FUT8: variants seen among roughly 807,000 people sequenced by gnomAD.
The protein encoded by FUT8 is fucosyltransferase 8.
FUT8 carries 29 observed loss-of-function variants against 71.3 expected under a neutral mutation model. That is an observed-to-expected ratio of 0.41 (90% confidence interval 0.30 to 0.55). FUT8 has a LOEUF of 0.55. Among genes scored for constraint, FUT8 ranks in the 20% least tolerant of loss-of-function variants. FUT8 has a pLI of 0.34. For missense variants in FUT8, 544 were observed against 702.1 expected (o/e 0.77, Z 2.55); for synonymous variants, 254 against 239.3 (o/e 1.06, Z -0.57).
chr14:65,527,235 C>T (rs1178679437), intron 2 of FUT8, among the ~76,000 whole-genome samples: 1 of 152,180 alleles, frequency 6.6e-6, no homozygotes, highest in African/African-American at 2.4e-5. Context: ...CACATAGTCC[C>T]ATGTTTCTTG....
intron 1 of FUT8, among the ~76,000 whole-genome samples, chr14:65,421,747 C>CCGCCT (rs57713947): frequency 1.3e-5 from 1 of 79,212 alleles, no homozygotes; most frequent in Non-Finnish European, 2.4e-5. Context: ...CCACCCCCCC[C>CCGCCT]TTTTTTTTTT....
chr14:65,643,766 G>A lies in FUT8; in HGVS notation c.597+14160G>A, dbSNP rs1890981512. Reference sequence around the variant, plus strand: ...TTAACTCATTTAATCCTTGAGAGTAGCAACACCCAGTAGAGGTTTTATCCT... The same window carrying A: ...TTAACTCATTTAATCCTTGAGAGTAACAACACCCAGTAGAGGTTTTATCCT... On this transcript the variant is annotated intron_variant, in intron 6 of 10. Transcript: ENST00000673929. This position sits in a 1 kb window ranked among gnomAD's most constrained non-coding sequence, Gnocchi z 4.5. Among the ~76,000 whole-genome samples the A allele has an allele frequency of 6.7e-6, 1 of 148,934 alleles. No individual in the cohort carries two copies. Among genetic ancestry groups the A allele is most frequent in the African/African-American group, 2.5e-5 (1 of 40,082 alleles).
At chr14:65,384,337 C>T in the FUT8 span, among the ~76,000 whole-genome samples, 2 of 152,248 alleles carry the variant, frequency 1.3e-5, no homozygotes, top group South Asian at 2.1e-4. The surrounding 1 kb of genome is among the most constrained non-coding windows in gnomAD (Gnocchi z 4.2). Context: ...CAGCCTCCAT[C>T]TCCTGGGCTC....
rs796847736 is a variant in FUT8, at chr14:65,682,506, GA to G, written c.835+13037del. On this transcript the variant is annotated intron_variant, in intron 7 of 10. Coordinates refer to ENST00000673929, the MANE Select transcript of FUT8 (RefSeq NM_001371533.1). ...GGCAACAGAGCAAGACCATGTCTCA[GA>G]AAAAAAAAAAGGAACCCCAAGGGAT... Among the ~76,000 whole-genome samples, 997 of 140,424 alleles carry G rather than the reference GA, an allele frequency of 7.1e-3. 19 individuals carry two copies. The highest frequency in any genetic ancestry group is 0.024 in the African/African-American group (906 of 38,536). The allele number at this position is 140,424 out of a possible 152,430, so 92.1% of individuals were successfully genotyped here.
chr14:65,682,497 C>T (rs1470859308), intron 7 of FUT8, among the ~76,000 whole-genome samples: 1 of 151,012 alleles, frequency 6.6e-6, no homozygotes, highest in Non-Finnish European at 1.5e-5. Flanking sequence ...AGAGCAAGAC[C>T]ATGTCTCAGA....
chr14:65,441,293 G>A (rs187998959), intron 1 of FUT8, among the ~76,000 whole-genome samples: 1 of 152,146 alleles, frequency 6.6e-6, no homozygotes, highest in South Asian at 2.1e-4. Context: ...CAGTTTAATT[G>A]TAATTCATAG....
intron 1 of FUT8, among the ~76,000 whole-genome samples, chr14:65,418,239 CT>C (rs1222706162): frequency 2.0e-5 from 3 of 152,116 alleles, no homozygotes; most frequent in African/African-American, 7.2e-5. Context: ...TCTTAATTAC[CT>C]TTAACGTATA....
chr14:65,613,923 C>A lies in FUT8; in HGVS notation c.204-2055C>A, dbSNP rs150649816. Among the ~76,000 whole-genome samples the A allele has an allele frequency of 3.5e-3, 531 of 152,046 alleles. 2 individuals are homozygous for A. The highest frequency in any genetic ancestry group is 0.012 in the African/African-American group (504 of 41,466). On this transcript the variant is annotated intron_variant, in intron 3 of 10. Transcript: ENST00000673929. The stretch of plus-strand genomic sequence containing the variant: ...GGCCAGGAGTTTTAGACCAGCCTGG[C>A]CAACCCAATGAAACCCCGTCTCTAC...
Position 65,467,727 on chromosome 14 carries a change from G to T in FUT8, c.-228+12009G>T. On this transcript the variant is annotated intron_variant, in intron 2 of 10. Transcript: ENST00000673929. This position sits in a 1 kb window ranked among gnomAD's most constrained non-coding sequence, Gnocchi z 4.1. ...CTGACCTCATGGTCTGCCCGCCTCA[G>T]CCTCCCAAAGTGCTGGGATTACAGG... The T allele has an allele frequency of 2.1e-6, 1 of 465,696 alleles. No homozygotes were observed. Among genetic ancestry groups the T allele is most frequent in the East Asian group, 4.9e-5 (1 of 20,514 alleles). 28.8% of individuals were successfully genotyped at this position (465,696 alleles called of 1,614,324 possible). A position where few individuals can be genotyped will look rare whatever the true frequency, so the allele number is the denominator to read the frequency against.
At chr14:65,439,400 A>G (rs1440908085) in intron 1 of FUT8, among the ~76,000 whole-genome samples, 2 of 152,192 alleles carry the variant, frequency 1.3e-5, no homozygotes, top group African/African-American at 4.8e-5. Context: ...TGTACCTCAT[A>G]TAGGCTAATT....
chr14:65,473,100 A>AT (rs1277059144), intron 2 of FUT8, among the ~76,000 whole-genome samples: 10 of 151,846 alleles, frequency 6.6e-5, no homozygotes, highest in African/African-American at 9.7e-5. Flanking sequence ...TTCATACACA[A>AT]TTTTTTTTAC....
intron 9 of FUT8, among the ~76,000 whole-genome samples, chr14:65,731,327 A>G (rs1895968523): frequency 6.6e-6 from 1 of 152,250 alleles, no homozygotes; most frequent in African/African-American, 2.4e-5. Context: ...AAAGAACACC[A>G]GATATTAGTT....
Position 65,628,342 on chromosome 14 carries a change from A to G in FUT8, c.483-1150A>G, listed in dbSNP as rs80060941. Reference sequence around the variant, plus strand: ...TGACTCTGAGCTGAGGAGCCAATTCATGTTAAGAACAAAGTAGTAACATTA... The same window carrying G: ...TGACTCTGAGCTGAGGAGCCAATTCGTGTTAAGAACAAAGTAGTAACATTA... On this transcript the variant is annotated intron_variant, in intron 5 of 10. Transcript: ENST00000673929. Among the ~76,000 whole-genome samples the G allele has an allele frequency of 4.8e-3, 738 of 152,294 alleles. 7 individuals are homozygous for G. Among genetic ancestry groups the G allele is most frequent in the African/African-American group, 0.017 (701 of 41,552 alleles).
chr14:65,612,192 A>G (rs2140208576), intron 3 of FUT8, among the ~76,000 whole-genome samples: 1 of 152,134 alleles, frequency 6.6e-6, no homozygotes, highest in South Asian at 2.1e-4. Context: ...TTGTTACTAG[A>G]AGGTCTTGTA....
chr14:65,449,485 A>C (rs748816922), intron 1 of FUT8, among the ~76,000 whole-genome samples: 1 of 152,152 alleles, frequency 6.6e-6, no homozygotes, highest in African/African-American at 2.4e-5. Flanking sequence ...AGTCACTTAG[A>C]ATATCAATAT....
At chr14:65,448,316 G>C (rs191239142) in intron 1 of FUT8, among the ~76,000 whole-genome samples, 3 of 152,150 alleles carry the variant, frequency 2.0e-5, no homozygotes, top group African/African-American at 7.2e-5. Flanking sequence ...AGAATGGGGG[G>C]GCGGAATAAA....
At chr14:65,468,570 T>C (rs2066084759) in intron 2 of FUT8, among the ~76,000 whole-genome samples, 1 of 152,086 alleles carries the variant, frequency 6.6e-6, no homozygotes, top group South Asian at 2.1e-4. Flanking sequence ...TTAAAGTTAA[T>C]AAGGAAAAAA....
chr14:65,708,835 C>T (rs1022492751), intron 7 of FUT8, among the ~76,000 whole-genome samples: 1 of 151,826 alleles, frequency 6.6e-6, no homozygotes, highest in African/African-American at 2.4e-5. Flanking sequence ...GTGCCTGCTG[C>T]GGTCGGGGGA....
chr14:65,620,359 G>A lies in FUT8; in HGVS notation c.482+3986G>A, dbSNP rs867723613. Among the ~76,000 whole-genome samples the A allele has an allele frequency of 3.3e-5, 5 of 152,116 alleles. No homozygotes were observed. The South Asian group carries it at 8.3e-4, about 25-fold the overall frequency. ...TATCAGTAATATATAGGGCAGCTGT[G>A]CTTAGACTAAATTGTGTTCTCCAAA... On this transcript the variant is annotated intron_variant, in intron 5 of 10. Transcript: ENST00000673929.
Sources: gnomAD v4.1 joint callset for allele counts (sites outside exome capture counted in the v4.1 genomes callset) on GRCh38, gnomAD v4.1.1 for gene constraint, Gnocchi (gnomAD v3.1) non-coding constraint, MANE v1.5 for transcripts, NCBI Gene and HGNC (gene_info 2026-07-23, HGNC 2026-07-21) for gene names.